Variants in OPRM1 observed in about 807,000 individuals in gnomAD.
The protein encoded by OPRM1 is opioid receptor mu 1.
A neutral mutation model predicts 31.8 loss-of-function variants in OPRM1; 27 were observed. That is an observed-to-expected ratio of 0.85 (90% CI 0.63 to 1.17). The LOEUF (loss-of-function observed/expected upper bound fraction) is 1.17. Among genes scored for constraint, OPRM1 ranks in the 50% most tolerant of loss-of-function variants. The pLI is 0.00. For synonymous variants in OPRM1, 196 were observed against 189.9 expected, an observed-to-expected ratio of 1.03 and a Z score of -0.26; for missense variants, 536 against 511.1, an observed-to-expected ratio of 1.05 and a Z score of -0.47.
chr6:154,130,433 G>T lies in OPRM1; in HGVS notation c.*11712G>T, dbSNP rs1323582043. Among the ~76,000 whole-genome samples, 1 of 152,010 alleles carries T rather than the reference G, an allele frequency of 6.6e-6. No individual in the cohort carries two copies. The highest frequency in any genetic ancestry group is 2.4e-5 in the African/African-American group (1 of 41,376). ...TCTGCCTGCCTCGGCCTCCCAAAGT[G>T]TTGGGATTACAGGTGTGAGCCACTG... On this transcript the variant is annotated 3_prime_UTR_variant, in exon 4 of 4. Transcript: ENST00000330432.
intron 3 of OPRM1, among the ~76,000 whole-genome samples, chr6:154,201,756 A>G (rs577011323): frequency 2.6e-4 from 39 of 152,194 alleles, no homozygotes; most frequent in African/African-American, 8.7e-4. Context: ...TTAGCAGGAC[A>G]TGGTGGCTCA....
rs1583634667 is a variant in OPRM1, at chr6:154,128,479, T to C, written c.*9758T>C. Among the ~76,000 whole-genome samples, 2 of 152,332 alleles carry C rather than the reference T, an allele frequency of 1.3e-5. No homozygotes were observed. Among genetic ancestry groups the C allele is most frequent in the Admixed American group, 1.3e-4 (2 of 15,300 alleles). ...CAGTGAAGTCTAAGAACTGGGACAG[T>C]CCGTTGAGGATCCTTGTGCCAGGAT... On this transcript the variant is annotated 3_prime_UTR_variant, in exon 4 of 4. Coordinates refer to ENST00000330432, the MANE Select transcript of OPRM1 (RefSeq NM_000914.5).
In OPRM1 at chr6:154,091,425, A is replaced by G. The variant is rs1355646642; in HGVS notation, c.1117A>G (p.Arg373Gly). 28 of 1,613,914 alleles carry G rather than the reference A, an allele frequency of 1.7e-5. No homozygotes were observed. The highest frequency in any genetic ancestry group is 2.4e-5 in the Non-Finnish European group (28 of 1,180,020). ...QNSTRIRQNT[R>G]DHPSTANTVD... ...CTCCACTCGAATTCGTCAGAACACT[A>G]GAGACCACCCCTCCACGGCCAATAC... is the stretch of plus-strand genomic sequence containing the variant. Residue 373 changes from arginine (R) to glycine (G), a missense_variant, in exon 3 of 4, where the codon AGA (arginine) becomes GGA (glycine). Transcript: ENST00000330432.
chr6:154,134,274 A>G (rs547971008), downstream of OPRM1, among the ~76,000 whole-genome samples: 2 of 152,218 alleles, frequency 1.3e-5, no homozygotes, highest in Non-Finnish European at 2.9e-5. Flanking sequence ...GCAGAGGAGA[A>G]GTTGTTTCAT....
At chr6:154,246,736 C>G in exon 4 of OPRM1, 1 of 1,613,966 alleles carries the variant, frequency 6.2e-7, no homozygotes, top group East Asian at 2.2e-5. Context: ...ACACGATATC[C>G]TCCTCCGACT....
At chr6:154,194,113 T>A (rs1325641086) in intron 3 of OPRM1, among the ~76,000 whole-genome samples, 1 of 152,084 alleles carries the variant, frequency 6.6e-6, no homozygotes, top group Non-Finnish European at 1.5e-5. Context: ...CAAACTGTTT[T>A]ACATCTAAAA....
chr6:154,189,696 C>G (rs149447321), intron 3 of OPRM1, among the ~76,000 whole-genome samples: 1 of 151,970 alleles, frequency 6.6e-6, no homozygotes, highest in Non-Finnish European at 1.5e-5. Flanking sequence ...GGGCCAGGCG[C>G]GGTGGCTGAT....
At chr6:154,026,804 ATTATT>A (rs1161769783) in intron 1 of OPRM1, among the ~76,000 whole-genome samples, 99 of 152,192 alleles carry the variant, frequency 6.5e-4, no homozygotes, top group African/African-American at 2.3e-3. Flanking sequence ...ATTATTTTTA[ATTATT>A]TTAATCTCTG....
intron 1 of OPRM1, among the ~76,000 whole-genome samples, chr6:154,047,043 C>T (rs1056720396): frequency 2.0e-5 from 3 of 152,132 alleles, no homozygotes; most frequent in African/African-American, 7.2e-5. Flanking sequence ...GTGCTCTGAA[C>T]TGCCAGGTGT....
At chr6:154,039,016 C>A, upstream of OPRM1, 1 of 936,896 alleles carries the variant, frequency 1.1e-6, no homozygotes, top group East Asian at 2.7e-5. Flanking sequence ...AGGGTTTCAT[C>A]AAGCCAATGT....
chr6:154,163,649 T>C (rs919125282), intron 3 of OPRM1, among the ~76,000 whole-genome samples: 11 of 152,256 alleles, frequency 7.2e-5, no homozygotes, highest in African/African-American at 4.8e-5. Flanking sequence ...TTTACACATG[T>C]AGACATTCGT....
intron 3 of OPRM1, chr6:154,199,782 A>T (rs1776919087): frequency 1.2e-6 from 2 of 1,614,116 alleles, no homozygotes; most frequent in Non-Finnish European, 1.7e-6. Context: ...CCACTTTCTG[A>T]TGTGACAAAA....
In OPRM1 at chr6:154,112,939, C is replaced by T. The variant is rs574398370; in HGVS notation, c.1165-5744C>T. Reference sequence around the variant, plus strand: ...CCACCATGCACTCCAGGATCCCCGACCCAATTAAATAAGTCACAGAGAAGA... The same window carrying T: ...CCACCATGCACTCCAGGATCCCCGATCCAATTAAATAAGTCACAGAGAAGA... On this transcript the variant is annotated intron_variant, in intron 3 of 3. Coordinates refer to ENST00000330432, the MANE Select transcript of OPRM1 (RefSeq NM_000914.5). Among the ~76,000 whole-genome samples, 12 of 152,310 alleles carry T rather than the reference C, an allele frequency of 7.9e-5. No individual in the cohort carries two copies. The South Asian group carries it at 2.5e-3, about 32-fold the overall frequency.
intron 3 of OPRM1, chr6:154,221,105 C>A: frequency 1.7e-6 from 1 of 593,342 alleles, no homozygotes. Flanking sequence ...GAGAAGAAAG[C>A]ACGAAGGCAT....
At chr6:154,082,430 A>C (rs1789382330) in intron 1 of OPRM1, among the ~76,000 whole-genome samples, 1 of 152,178 alleles carries the variant, frequency 6.6e-6, no homozygotes, top group African/African-American at 2.4e-5. Flanking sequence ...GTAAAAAATA[A>C]TTTTACTAGT....
rs1358697158 is a variant in OPRM1, at chr6:154,127,750, T to C, written c.*9029T>C. 6.6e-6 allele frequency among the ~76,000 whole-genome samples: 1 copy of C among 152,260 alleles called. No individual in the cohort carries two copies. Among genetic ancestry groups the C allele is most frequent in the Non-Finnish European group, 1.5e-5 (1 of 68,044 alleles). On this transcript the variant is annotated 3_prime_UTR_variant, in exon 4 of 4. Coordinates refer to ENST00000330432, the MANE Select transcript of OPRM1 (RefSeq NM_000914.5). ...AGGTTGATTCTTGTTCTCCTGCATCTCTGCAGGTGGCAAACCTGATTCCTA... is the reference window on the plus strand; with the variant it reads ...AGGTTGATTCTTGTTCTCCTGCATCCCTGCAGGTGGCAAACCTGATTCCTA...
intron 3 of OPRM1, chr6:154,216,842 T>A (rs1253519910): frequency 6.6e-6 from 1 of 152,504 alleles, no homozygotes; most frequent in Non-Finnish European, 1.5e-5. Context: ...CACTCCAGCC[T>A]GGGCGACAGA....
chr6:154,044,727 G>A (rs555693585), intron 1 of OPRM1, among the ~76,000 whole-genome samples: 1 of 152,138 alleles, frequency 6.6e-6, no homozygotes, highest in African/African-American at 2.4e-5. Context: ...ATTGGTGTCT[G>A]TAGGTATTCA....
Position 154,089,886 on chromosome 6 carries a change from C to T in OPRM1, c.351C>T (p.Ala117=), listed in dbSNP as rs199898773. 6.2e-7 allele frequency: 1 copy of T among 1,614,112 alleles called. No homozygotes were observed. The highest frequency in any genetic ancestry group is 1.1e-5 in the South Asian group (1 of 91,078). Reference sequence around the variant, plus strand: ...TTTTCAACCTTGCTCTGGCAGATGCCTTAGCCACCAGTACCCTGCCCTTCC... The same window carrying T: ...TTTTCAACCTTGCTCTGGCAGATGCTTTAGCCACCAGTACCCTGCCCTTCC... ...IYIFNLALAD[A]LATSTLPFQS... The change falls in exon 2 of 4, where the codon GCC becomes GCT. Residue 117 remains alanine (A), a synonymous_variant. Coordinates refer to ENST00000330432, the MANE Select transcript of OPRM1 (RefSeq NM_000914.5).
Sources: gnomAD v4.1 joint callset for allele counts (sites outside exome capture counted in the v4.1 genomes callset) on GRCh38, gnomAD v4.1.1 for gene constraint, MANE v1.5 for transcripts, NCBI Gene and HGNC (gene_info 2026-07-23, HGNC 2026-07-21) for gene names.